ITGA10: variants seen among roughly 807,000 people sequenced by gnomAD.
ITGA10 encodes the protein integrin subunit alpha 10.
ITGA10 carries 105 observed loss-of-function variants against 145.2 expected under a neutral mutation model. That is an observed-to-expected ratio of 0.72 (90% CI 0.62 to 0.85). The LOEUF is 0.85. ITGA10 is among the 40% of genes least tolerant of loss of function. ITGA10 has a pLI of 0.00. For missense variants in ITGA10, 1,317 were observed against 1,444.5 expected (o/e 0.91, Z 1.43); for synonymous variants, 506 against 557.8 (o/e 0.91, Z 1.31).
In ITGA10 at chr1:145,891,358, G is replaced by C. The variant is rs1654739661; in HGVS notation, c.*1440C>G. 6.5e-6 allele frequency: 1 copy of C among 152,720 alleles called. No individual in the cohort carries two copies. Among genetic ancestry groups the C allele is most frequent in the East Asian group, 1.9e-4 (1 of 5,182 alleles). 9.5% of individuals were successfully genotyped at this position (152,720 alleles called of 1,614,324 possible). ...GTGGTCAGGCCTCAGGAACAGCCTG[G>C]GAGGACAGGTTCTGTGACTGCTAGT... is the stretch of plus-strand genomic sequence containing the variant. On this transcript the variant is annotated 3_prime_UTR_variant, in exon 30 of 30. Coordinates refer to ENST00000369304, the MANE Select transcript of ITGA10 (RefSeq NM_003637.5).
intron 27 of ITGA10, among the ~76,000 whole-genome samples, chr1:145,893,905 C>G (rs587653323): frequency 6.6e-6 from 1 of 152,002 alleles, no homozygotes; most frequent in South Asian, 2.1e-4. Flanking sequence ...TTTCCTTTGG[C>G]TGACCTCTAC....
chr1:145,906,895 TGGA>T, intron 3 of ITGA10, 71 bp from the exon 4 acceptor site: 2 of 1,254,546 alleles, frequency 1.6e-6, no homozygotes, highest in Non-Finnish European at 2.3e-6. Context: ...CATGTGATTT[TGGA>T]GGAGAATGAG....
Position 145,904,298 on chromosome 1 carries a change from T to C in ITGA10, c.610-98A>G, listed in dbSNP as rs587712989. ...AAGAGAGGAGAGATGAACACCTGGATACTACTGAAGACAACACCTACATTT... is the reference window on the plus strand; with the variant it reads ...AAGAGAGGAGAGATGAACACCTGGACACTACTGAAGACAACACCTACATTT... On this transcript the variant is annotated intron_variant, in intron 6 of 29. Coordinates refer to ENST00000369304, the MANE Select transcript of ITGA10 (RefSeq NM_003637.5). 2.5e-5 allele frequency: 29 copies of C among 1,179,972 alleles called. No individual in the cohort carries two copies. In the African/African-American group the frequency reaches 4.2e-4, roughly 17 times the overall value. The allele number at this position is 1,179,972 out of a possible 1,614,324, so 73.1% of individuals were successfully genotyped here.
chr1:145,903,637 CTCTTCT>C (rs1310797496), intron 7 of ITGA10, among the ~76,000 whole-genome samples: 1 of 151,628 alleles, frequency 6.6e-6, no homozygotes, highest in African/African-American at 2.4e-5. Context: ...CCTGCCCTAA[CTCTTCT>C]TCTTCTTCTT....
At position 145,893,654 on chromosome 1, in the gene ITGA10, G is replaced by A. The variant is rs1553743985; in HGVS notation, c.3229-19C>T. ...ACTTGGCCTATGGAACAAGTGGATA[G>A]GAAGACATTTAAAATGAGCCATTAT... is the stretch of plus-strand genomic sequence containing the variant. On this transcript the variant is annotated intron_variant, in intron 27 of 29. Coordinates refer to ENST00000369304, the MANE Select transcript of ITGA10 (RefSeq NM_003637.5). 6.3e-7 allele frequency: 1 copy of A among 1,589,382 alleles called. No homozygotes were observed.
chr1:145,904,605 C>G (rs1656859379), intron 6 of ITGA10, 79 bp downstream of exon 6: 4 of 1,504,878 alleles, frequency 2.7e-6, no homozygotes, highest in Non-Finnish European at 3.7e-6. Flanking sequence ...GAACTCCTGG[C>G]CTCAGGGGAT....
rs376173826 is a variant in ITGA10 at position 145,904,076 on chromosome 1, G to A, written c.734C>T (p.Thr245Ile). 1.2e-6 allele frequency: 2 copies of A among 1,613,954 alleles called. No homozygotes were observed. The highest frequency in any genetic ancestry group is 1.7e-6 in the Non-Finnish European group (2 of 1,180,024). The change falls in exon 7 of 30, where the codon ACT (threonine) becomes ATT (isoleucine). Residue 245 changes from threonine (T) to isoleucine (I), a missense_variant. By Grantham distance (89) the Thr-to-Ile change is moderately conservative. Coordinates refer to ENST00000369304, the MANE Select transcript of ITGA10 (RefSeq NM_003637.5). The part of the protein sequence containing the change: ...LSRREGRETK[T>I]AQAIMVACTE... The stretch of plus-strand genomic sequence containing the variant: ...CCAGGCCACCATTATTGCTTGGGCA[G>A]TCTTTGTTTCTCGTCCCTCCCGCCG...
intron 6 of ITGA10, 81 bp downstream of exon 6, chr1:145,904,603 G>T: frequency 6.8e-7 from 1 of 1,474,746 alleles, no homozygotes; most frequent in South Asian, 1.2e-5. Context: ...TTGAACTCCT[G>T]GCCTCAGGGG....
At position 145,899,065 on chromosome 1, in the gene ITGA10, G is replaced by C. The variant is rs782669573; in HGVS notation, c.2103C>G (p.Thr701=). 3 of 1,614,248 alleles carry C rather than the reference G, an allele frequency of 1.9e-6. No homozygotes were observed. Among genetic ancestry groups the C allele is most frequent in the Non-Finnish European group, 2.5e-6 (3 of 1,180,042 alleles). The change falls in exon 17 of 30, where the codon ACC becomes ACG. Residue 701 remains threonine (T), a synonymous_variant. Transcript: ENST00000369304. ...CAGCAGTCCATTCATCCAGTGATGC[G>C]GTGAACCTCATGTCTGAATGAAGGA... The part of the protein sequence containing the change: ...RWDHQFYMRF[T]ASLDEWTAGA...
Position 145,901,963 on chromosome 1 carries a change from A to G in ITGA10, c.1208T>C (p.Leu403Pro). Residue 403 changes from leucine (L) to proline (P), a missense_variant, in exon 11 of 30, where the codon CTT becomes CCT. Physicochemically the swap from Leu to Pro is moderately conservative, Grantham distance 98. Coordinates refer to ENST00000369304, the MANE Select transcript of ITGA10 (RefSeq NM_003637.5). This position sits in a 1 kb window ranked among gnomAD's most constrained non-coding sequence, Gnocchi z 4.3. ...AYDWGGSVLW[L>P]EGGHRLFPPR... ...GGGGAAAAGGCGGTGGCCTCCTTCA[A>G]GCCATAGCACAGAGCCTCCCCAGTC... 1.9e-6 allele frequency: 3 copies of G among 1,614,118 alleles called. No individual in the cohort carries two copies. The highest frequency in any genetic ancestry group is 2.5e-6 in the Non-Finnish European group (3 of 1,180,008).
At position 145,902,567 on chromosome 1, in the gene ITGA10, T is replaced by C. The variant is rs782804301; in HGVS notation, c.962A>G (p.Glu321Gly). 6.2e-7 allele frequency: 1 copy of C among 1,613,596 alleles called. No homozygotes were observed. Among genetic ancestry groups the C allele is most frequent in the Non-Finnish European group, 8.5e-7 (1 of 1,179,802 alleles). ...RQRDPSSFLR[E>G]IRTIASDPDE... ...TGGATCACTGGCAATAGTTCTAATT[T>C]CTCTCAGGAAAGAGCTGGGATCTCG... is the stretch of plus-strand genomic sequence containing the variant. The change falls in exon 9 of 30, where the codon GAA becomes GGA. Residue 321 changes from glutamate to glycine, a missense_variant. Physicochemically the swap from Glu to Gly is moderately conservative, Grantham distance 98. Transcript: ENST00000369304.
Position 145,902,876 on chromosome 1 carries a change from C to T in ITGA10, c.844G>A (p.Gly282Arg). 1.2e-6 allele frequency: 2 copies of T among 1,614,024 alleles called. No homozygotes were observed. Among genetic ancestry groups the T allele is most frequent in the Non-Finnish European group, 1.7e-6 (2 of 1,179,970 alleles). ...VVVTDGESHD[G>R]EELPAALKAC... ...TTTAGTGCTGCAGGAAGCTCCTCTC[C>T]ATCATGGGACTCTCCATCAGTGACA... The change falls in exon 8 of 30, where the codon GGA becomes AGA. Residue 282 changes from glycine to arginine, a missense_variant. Transcript: ENST00000369304.
At chr1:145,893,778 G>A (rs1018101252) in intron 27 of ITGA10, 143 bp from the exon 28 acceptor site, 4 of 630,722 alleles carry the variant, frequency 6.3e-6, no homozygotes, top group Admixed American at 2.7e-5. Flanking sequence ...GAAGACCAAT[G>A]GGAAAAGAGA....
In ITGA10 at chr1:145,895,708, T is replaced by C; in HGVS notation, c.3037A>G (p.Ser1013Gly). 1.2e-6 allele frequency: 2 copies of C among 1,614,222 alleles called. No individual in the cohort carries two copies. The highest frequency in any genetic ancestry group is 1.7e-6 in the Non-Finnish European group (2 of 1,180,020). Residue 1013 changes from serine to glycine, a missense_variant, in exon 26 of 30, where the codon AGC becomes GGC. Transcript: ENST00000369304. The stretch of plus-strand genomic sequence containing the variant: ...TCAGTCAGGTTCTGCACTATGCAGC[T>C]TGCCTAGAGGAAGATCCAACTTGAA... The part of the protein sequence containing the change: ...SLSQVITNNA[S>G]CIVQNLTEPP...
intron 10 of ITGA10, 87 bp downstream of exon 10, chr1:145,902,159 G>GT: frequency 6.4e-7 from 1 of 1,566,328 alleles, no homozygotes; most frequent in Admixed American, 1.7e-5. Context: ...ATGGAGGCTG[G>GT]TTAAAGGAGG....
chr1:145,909,859 T>G, intron 1 of ITGA10, 104 bp downstream of exon 1: 1 of 998,172 alleles, frequency 1.0e-6, no homozygotes, highest in South Asian at 1.3e-5. Context: ...CAGTGTTCGC[T>G]TCCTAACCTA....
In ITGA10 at chr1:145,907,101, C is replaced by T. The variant is rs1553751480; in HGVS notation, c.214G>A (p.Asp72Asn). The T allele has an allele frequency of 6.4e-7, 1 of 1,564,726 alleles. No individual in the cohort carries two copies. The highest frequency in any genetic ancestry group is 1.2e-5 in the South Asian group (1 of 85,000). ...CCCCCTACAGGGCAGCGATAAACGT[C>T]CCCCCTCCGGTCGCCTGAAGGCCCA... ...WDGPSGDRRG[D>N]VYRCPVGGAH... Residue 72 changes from aspartate (D) to asparagine (N), a missense_variant, in exon 3 of 30, where the codon GAC (aspartate) becomes AAC (asparagine). Coordinates refer to ENST00000369304, the MANE Select transcript of ITGA10 (RefSeq NM_003637.5).
chr1:145,892,899 C>T (rs188922947), intron 29 of ITGA10, 36 bp from the exon 30 acceptor site: 1 of 1,558,828 alleles, frequency 6.4e-7, no homozygotes, highest in East Asian at 2.2e-5. Context: ...TGCCAAATGC[C>T]TAGACTGGGA....
chr1:145,906,272 A>G (rs1657126570), intron 5 of ITGA10, 122 bp downstream of exon 5: 5 of 704,086 alleles, frequency 7.1e-6, no homozygotes, highest in Admixed American at 2.4e-5. Flanking sequence ...TTGCAAGCAC[A>G]TTAGGTAGCA....
Sources: allele counts gnomAD v4.1 joint callset (sites outside exome capture counted in the v4.1 genomes callset), GRCh38; gene constraint gnomAD v4.1.1; non-coding constraint Gnocchi (gnomAD v3.1); transcripts MANE v1.5; gene names NCBI Gene and HGNC (gene_info 2026-07-23, HGNC 2026-07-21).